NKAIN1: variants seen among roughly 807,000 people sequenced by gnomAD.
The protein encoded by NKAIN1 is sodium/potassium-transporting ATPase subunit beta-1-interacting protein 1.
NKAIN1 carries 13 observed loss-of-function variants against 31.6 expected under a neutral mutation model. That is an observed-to-expected ratio of 0.41 (90% CI 0.27 to 0.65). The LOEUF (loss-of-function observed/expected upper bound fraction) is 0.65. NKAIN1 is among the 30% of genes least tolerant of loss of function. The pLI is 0.30. For missense variants in NKAIN1, 193 were observed against 262.2 expected (o/e 0.74, Z 1.82); for synonymous variants, 104 against 109.0 (o/e 0.95, Z 0.28).
At chr1:31,210,264 G>A (rs558207352) in intron 1 of NKAIN1, among the ~76,000 whole-genome samples, 2 of 150,518 alleles carry the variant, frequency 1.3e-5, no homozygotes, top group South Asian at 4.2e-4. Flanking sequence ...TAGGTTTGGT[G>A]CAAAAGTAAT....
chr1:31,234,820 A>G (rs1203367456), intron 1 of NKAIN1, among the ~76,000 whole-genome samples: 1 of 152,172 alleles, frequency 6.6e-6, no homozygotes, highest in Non-Finnish European at 1.5e-5. Context: ...CGAGCAGTAG[A>G]GTAGCACGGG....
intron 6 of NKAIN1, 61 bp from the exon 7 acceptor site, chr1:31,181,773 C>A: frequency 6.5e-7 from 1 of 1,543,974 alleles, no homozygotes; most frequent in Non-Finnish European, 8.8e-7. Flanking sequence ...GCGGAGAGAC[C>A]CGGTTGCCCT....
At chr1:31,205,300 T>TTTTGTTTG (rs200219178) in intron 1 of NKAIN1, among the ~76,000 whole-genome samples, 2 of 151,458 alleles carry the variant, frequency 1.3e-5, no homozygotes, top group African/African-American at 4.9e-5. Context: ...CCAGCTAATT[T>TTTTGTTTG]TTTGTTTGTT....
chr1:31,228,762 TA>T lies in NKAIN1; in HGVS notation c.54+10731del, dbSNP rs1036093890. ...GCTGGCACCACCATGGCCAGCTAAT[TA>T]AAAAAAATTTTTTTTAGAGATGGGA... On this transcript the variant is annotated intron_variant, in intron 1 of 6. Transcript: ENST00000373736. Among the ~76,000 whole-genome samples, 4 of 152,194 alleles carry T rather than the reference TA, an allele frequency of 2.6e-5. No homozygotes were observed. In the South Asian group the frequency reaches 6.2e-4, roughly 24 times the overall value.
chr1:31,200,460 T>C (rs74597456), intron 1 of NKAIN1, among the ~76,000 whole-genome samples: 127 of 135,840 alleles, frequency 9.3e-4, no homozygotes, highest in African/African-American at 3.8e-3. Context: ...TCCTCTCTCT[T>C]TTTTTTTTTT....
At chr1:31,235,325 T>A (rs1308505542) in intron 1 of NKAIN1, among the ~76,000 whole-genome samples, 2 of 152,002 alleles carry the variant, frequency 1.3e-5, no homozygotes, top group African/African-American at 2.4e-5. Flanking sequence ...GTGAATATGT[T>A]AATAATGTTG....
rs772908877 is a variant in NKAIN1, at chr1:31,220,754, C to CAAAAAAAAAAA, written c.54+18729_54+18739dup. ...TGGCGACAGAGTAAGACTCCATCTC[C>CAAAAAAAAAAA]AAAAAAAAAAAAAAAAAAAAAGCAT... On this transcript the variant is annotated intron_variant, in intron 1 of 6. Coordinates refer to ENST00000373736, the MANE Select transcript of NKAIN1 (RefSeq NM_024522.3). Among the ~76,000 whole-genome samples the CAAAAAAAAAAA allele has an allele frequency of 3.4e-5, 2 of 58,912 alleles. 1 individual carries two copies. The highest frequency in any genetic ancestry group is 6.6e-5 in the Non-Finnish European group (2 of 30,234). 38.6% of individuals were successfully genotyped at this position (58,912 alleles called of 152,430 possible).
At chr1:31,232,431 A>AGAGAGAGAGG (rs1645660095) in intron 1 of NKAIN1, among the ~76,000 whole-genome samples, 2 of 62,178 alleles carry the variant, frequency 3.2e-5, no homozygotes, top group Non-Finnish European at 5.9e-5. Flanking sequence ...ATATAGAGAG[A>AGAGAGAGAGG]GAGAGAGAGA....
chr1:31,194,215 G>A (rs1329437959), intron 1 of NKAIN1, among the ~76,000 whole-genome samples: 1 of 152,090 alleles, frequency 6.6e-6, no homozygotes, highest in Non-Finnish European at 1.5e-5. Context: ...ATCCCAGAGT[G>A]ACAGATGAGA....
At chr1:31,215,584 C>T (rs1253106464) in intron 1 of NKAIN1, among the ~76,000 whole-genome samples, 5 of 152,166 alleles carry the variant, frequency 3.3e-5, no homozygotes. Flanking sequence ...CACAGGCCTC[C>T]TGCTCTGATT....
At chr1:31,196,512 C>CAAAAAAAAA (rs58194598) in intron 1 of NKAIN1, among the ~76,000 whole-genome samples, 3 of 91,370 alleles carry the variant, frequency 3.3e-5, no homozygotes, top group Admixed American at 1.5e-4. Context: ...GACTCCTACT[C>CAAAAAAAAA]AAAAAAAAAA....
intron 1 of NKAIN1, among the ~76,000 whole-genome samples, chr1:31,194,832 C>A (rs35056890): frequency 7.9e-6 from 1 of 126,894 alleles, no homozygotes; most frequent in Non-Finnish European, 1.6e-5. Context: ...AGTGCAGTGG[C>A]GGGATCTCAG....
intron 1 of NKAIN1, among the ~76,000 whole-genome samples, chr1:31,201,360 AT>A (rs36022825): frequency 1.9e-3 from 263 of 136,152 alleles, no homozygotes; most frequent in East Asian, 6.0e-3. Flanking sequence ...ATCCTACCCT[AT>A]TTTTTTTTTT....
intron 1 of NKAIN1, among the ~76,000 whole-genome samples, chr1:31,205,969 T>G (rs1645420693): frequency 6.7e-6 from 1 of 150,358 alleles, no homozygotes; most frequent in African/African-American, 2.4e-5. Context: ...TGCAGTGGCT[T>G]ACATCTGTAA....
intron 1 of NKAIN1, among the ~76,000 whole-genome samples, chr1:31,189,972 G>C (rs1645273151): frequency 6.6e-6 from 1 of 152,204 alleles, no homozygotes. Context: ...GAACACACAA[G>C]GGAATGTCCT....
chr1:31,185,542 T>C (rs1645235909), intron 2 of NKAIN1, among the ~76,000 whole-genome samples: 1 of 152,188 alleles, frequency 6.6e-6, no homozygotes, highest in African/African-American at 2.4e-5. Flanking sequence ...TAGAGAGAAC[T>C]AACTTAAAAC....
In NKAIN1 at chr1:31,179,882, C is replaced by A; in HGVS notation, c.*1821G>T. The A allele has an allele frequency of 6.6e-6, 1 of 152,480 alleles. No individual in the cohort carries two copies. 9.4% of individuals were successfully genotyped at this position (152,480 alleles called of 1,614,324 possible). On this transcript the variant is annotated 3_prime_UTR_variant, in exon 7 of 7. Transcript: ENST00000373736. ...CTTATAAAAACAAAAGGCTTCAAAG[C>A]ACCAGTGGCTACACCCGTTGAGTAG...
rs149833519 is a variant in NKAIN1 at position 31,198,370 on chromosome 1, G to T, written c.55-10183C>A. On this transcript the variant is annotated intron_variant, in intron 1 of 6. Coordinates refer to ENST00000373736, the MANE Select transcript of NKAIN1 (RefSeq NM_024522.3). ...GCTGCATTCTAACCAATGACTCAGT[G>T]AACAGCTCATTGTGAACTCCATATG... is the stretch of plus-strand genomic sequence containing the variant. Among the ~76,000 whole-genome samples the T allele has an allele frequency of 1.2e-3, 181 of 152,212 alleles. 1 individual carries two copies. Among genetic ancestry groups the T allele is most frequent in the African/African-American group, 4.2e-3 (176 of 41,542 alleles).
chr1:31,238,595 C>G (rs1256213517), intron 1 of NKAIN1, among the ~76,000 whole-genome samples: 1 of 152,190 alleles, frequency 6.6e-6, no homozygotes, highest in African/African-American at 2.4e-5. Flanking sequence ...AGTCACTCCT[C>G]CCTGAGACAA....
Sources: gnomAD v4.1 joint callset for allele counts (sites outside exome capture counted in the v4.1 genomes callset) on GRCh38, gnomAD v4.1.1 for gene constraint, MANE v1.5 for transcripts, NCBI Gene and HGNC (gene_info 2026-07-23, HGNC 2026-07-21) for gene names.